SEMA5A: variants seen among roughly 807,000 people sequenced by gnomAD.
SEMA5A encodes semaphorin-5A.
A neutral mutation model predicts 135.5 loss-of-function variants in SEMA5A; 55 were observed. The observed-to-expected ratio is 0.41, with a 90% CI of 0.33 to 0.51. The LOEUF is 0.51. SEMA5A is among the 20% of genes least tolerant of loss of function. The pLI, the probability that SEMA5A is intolerant of heterozygous loss-of-function variation, is 0.37. For synonymous variants in SEMA5A, 580 were observed against 546.5 expected (o/e 1.06, Z -0.85); for missense variants, 1,290 against 1,419.9 (o/e 0.91, Z 1.47).
At chr5:9,083,812 T>C (rs1029473947) in intron 16 of SEMA5A, among the ~76,000 whole-genome samples, 9 of 152,220 alleles carry the variant, frequency 5.9e-5, no homozygotes, top group African/African-American at 2.2e-4. Context: ...AGGGACTTAG[T>C]GTTACATAAC....
intron 3 of SEMA5A, among the ~76,000 whole-genome samples, chr5:9,353,063 GGAAA>G (rs1754203101): frequency 4.6e-4 from 2 of 4,362 alleles, no homozygotes; most frequent in Non-Finnish European, 9.4e-4. Context: ...AGGAAAGGAA[GGAAA>G]GGAAAGGAAA....
intron 8 of SEMA5A, among the ~76,000 whole-genome samples, chr5:9,215,115 G>C (rs1746543387): frequency 6.6e-6 from 1 of 152,148 alleles, no homozygotes; most frequent in African/African-American, 2.4e-5. Flanking sequence ...AAGCAGACAG[G>C]AGATCACCAT....
At chr5:9,280,966 C>A (rs188576884) in intron 5 of SEMA5A, among the ~76,000 whole-genome samples, 1 of 152,082 alleles carries the variant, frequency 6.6e-6, no homozygotes, top group Non-Finnish European at 1.5e-5. Context: ...GAATTAAGAA[C>A]TTCTAGGCTT....
chr5:9,107,537 T>C lies in SEMA5A; in HGVS notation c.2073+603A>G, dbSNP rs561733037. ...ATATTATTCCGTGTCCCAAACCGAA[T>C]AGAGTAGCCATATATAAGCAGGCTG... On this transcript the variant is annotated intron_variant, in intron 16 of 22. Transcript: ENST00000382496. Among the ~76,000 whole-genome samples the C allele has an allele frequency of 3.9e-5, 6 of 152,250 alleles. No individual in the cohort carries two copies. In the South Asian group the frequency reaches 1.2e-3, roughly 32 times the overall value.
In SEMA5A at chr5:9,258,803, C is replaced by CTTTTTTTTT. The variant is rs748703578; in HGVS notation, c.271-20922_271-20914dup. 6.1e-3 allele frequency among the ~76,000 whole-genome samples: 300 copies of CTTTTTTTTT among 48,972 alleles called. 46 individuals carry two copies. The highest frequency in any genetic ancestry group is 6.8e-3 in the Non-Finnish European group (196 of 28,894). 32.1% of individuals were successfully genotyped at this position (48,972 alleles called of 152,430 possible). On this transcript the variant is annotated intron_variant, in intron 5 of 22. Transcript: ENST00000382496. ...ATTATTTGTCTTTTCTTCTTTCTTT[C>CTTTTTTTTT]TTTTTTTTTTTTTTTTTTTTTTTTT...
chr5:9,108,294 T>C lies in SEMA5A; in HGVS notation c.1926-7A>G, dbSNP rs902622269. 5 of 1,613,688 alleles carry C rather than the reference T, an allele frequency of 3.1e-6. No homozygotes were observed. Among genetic ancestry groups the C allele is most frequent in the Non-Finnish European group, 4.2e-6 (5 of 1,179,830 alleles). ...CAAATGTTCATTGCAGTATCTGTAA[T>C]GAGGAAACCAAAATGACAAGGAAAC... On this transcript the variant is annotated splice_polypyrimidine_tract_variant and splice_region_variant and intron_variant, in intron 15 of 22. Coordinates refer to ENST00000382496, the MANE Select transcript of SEMA5A (RefSeq NM_003966.3).
Position 9,048,907 on chromosome 5 carries a change from T to G in SEMA5A, c.2893+1503A>C, listed in dbSNP as rs1736412292. 2.0e-5 allele frequency among the ~76,000 whole-genome samples: 3 copies of G among 152,322 alleles called. No homozygotes were observed. In the South Asian group the frequency reaches 6.2e-4, roughly 32 times the overall value. On this transcript the variant is annotated intron_variant, in intron 21 of 22. Coordinates refer to ENST00000382496, the MANE Select transcript of SEMA5A (RefSeq NM_003966.3). ...TGTTAGCAACTGTTAGTTAGTGAACTCACTCCACTGACTTAGCTCAGACAC... is the reference window on the plus strand; with the variant it reads ...TGTTAGCAACTGTTAGTTAGTGAACGCACTCCACTGACTTAGCTCAGACAC...
At chr5:9,508,325 T>A (rs895475508) in intron 1 of SEMA5A, among the ~76,000 whole-genome samples, 1 of 152,162 alleles carries the variant, frequency 6.6e-6, no homozygotes, top group African/African-American at 2.4e-5. Flanking sequence ...ATCGTGTACA[T>A]CAAGCCTCCT....
intron 3 of SEMA5A, among the ~76,000 whole-genome samples, chr5:9,348,749 C>A (rs2150744829): frequency 6.6e-6 from 1 of 152,182 alleles, no homozygotes; most frequent in South Asian, 2.1e-4. Context: ...CCAGAAGTGG[C>A]CAAAGTGCTG....
chr5:9,275,008 A>G (rs1361131056), intron 5 of SEMA5A, among the ~76,000 whole-genome samples: 2 of 750 alleles, frequency 2.7e-3, no homozygotes, highest in East Asian at 0.083. Flanking sequence ...AGACAGACAC[A>G]TGAAAACCCC....
chr5:9,494,602 C>G (rs1267295003), intron 1 of SEMA5A, among the ~76,000 whole-genome samples: 1 of 142,602 alleles, frequency 7.0e-6, no homozygotes, highest in African/African-American at 2.5e-5. Context: ...AAATCCCCCC[C>G]TTCAATGCCC....
At chr5:9,539,730 A>AT (rs1466423594) in intron 1 of SEMA5A, among the ~76,000 whole-genome samples, 1 of 152,202 alleles carries the variant, frequency 6.6e-6, no homozygotes, top group Non-Finnish European at 1.5e-5. Flanking sequence ...AAAGTTTCAG[A>AT]TTTTGAAGCA....
chr5:9,411,211 T>C (rs1757095709), intron 2 of SEMA5A, among the ~76,000 whole-genome samples: 1 of 152,216 alleles, frequency 6.6e-6, no homozygotes, highest in Non-Finnish European at 1.5e-5. Flanking sequence ...GCTATGCCAC[T>C]GGTTATCTGT....
intron 16 of SEMA5A, among the ~76,000 whole-genome samples, chr5:9,083,471 T>A (rs1317906201): frequency 6.6e-6 from 1 of 152,210 alleles, no homozygotes; most frequent in Non-Finnish European, 1.5e-5. Flanking sequence ...GTACCATAAT[T>A]TAAACACGTA....
chr5:9,404,604 A>T (rs1214573904), intron 2 of SEMA5A, among the ~76,000 whole-genome samples: 3 of 152,208 alleles, frequency 2.0e-5, no homozygotes, highest in African/African-American at 7.2e-5. Flanking sequence ...CAAATTGTTT[A>T]AAAATGTGTA....
chr5:9,488,464 A>C (rs1358836345), intron 1 of SEMA5A, among the ~76,000 whole-genome samples: 1 of 152,176 alleles, frequency 6.6e-6, no homozygotes, highest in Non-Finnish European at 1.5e-5. Context: ...TTAATTTTGA[A>C]CTATCATATT....
chr5:9,377,764 G>A (rs899392809), intron 3 of SEMA5A, among the ~76,000 whole-genome samples: 2 of 152,194 alleles, frequency 1.3e-5, no homozygotes, highest in Non-Finnish European at 2.9e-5. Flanking sequence ...TGAGTTGGGA[G>A]TATCAGGAGA....
intron 1 of SEMA5A, among the ~76,000 whole-genome samples, chr5:9,449,909 T>A (rs758681085): frequency 6.6e-6 from 1 of 152,178 alleles, no homozygotes; most frequent in Non-Finnish European, 1.5e-5. Context: ...TTCCTCACAA[T>A]AAAATTCTCT....
chr5:9,207,102 G>GTATATATATATATATA (rs70943947), intron 8 of SEMA5A, among the ~76,000 whole-genome samples: 3,278 of 96,932 alleles, frequency 0.034, 203 homozygotes, highest in Non-Finnish European at 0.044. Flanking sequence ...ATGATCAAGT[G>GTATATATATATATATA]TATATATATA....
Sources: allele counts gnomAD v4.1 joint callset (sites outside exome capture counted in the v4.1 genomes callset), GRCh38; gene constraint gnomAD v4.1.1; transcripts MANE v1.5; gene names NCBI Gene and HGNC (gene_info 2026-07-23, HGNC 2026-07-21).